The following PRPF38B variants were observed in gnomAD, a reference collection of about 807,000 sequenced individuals.
The protein encoded by PRPF38B is pre-mRNA processing factor 38B.
In PRPF38B, 18 loss-of-function variants were observed where a neutral mutation model predicts 67.2. That is an observed-to-expected ratio of 0.27 (90% CI 0.19 to 0.40). The LOEUF is 0.40. PRPF38B is among the 10% of genes least tolerant of loss of function. PRPF38B has a pLI of 1.00. For synonymous variants in PRPF38B, 246 were observed against 234.2 expected, an observed-to-expected ratio of 1.05 and a Z score of -0.46; for missense variants, 544 against 684.9, an observed-to-expected ratio of 0.79 and a Z score of 2.30.
intron 1 of PRPF38B, among the ~76,000 whole-genome samples, chr1:108,695,329 A>C (rs931747452): frequency 6.6e-6 from 1 of 152,234 alleles, no homozygotes; most frequent in African/African-American, 2.4e-5. Context: ...AATGTTAAGC[A>C]ACCCATAAGT....
chr1:108,696,806 G>A (rs1001169122), intron 4 of PRPF38B: 14 of 710,552 alleles, frequency 2.0e-5, no homozygotes, highest in Non-Finnish European at 3.4e-5. Context: ...GAATTGAAGA[G>A]TTGGGTGTTA....
At chr1:108,693,202 TC>T (rs1302229933) in intron 1 of PRPF38B, among the ~76,000 whole-genome samples, 1 of 152,144 alleles carries the variant, frequency 6.6e-6, no homozygotes, top group East Asian at 1.9e-4. Context: ...TTAAAATTAT[TC>T]CTTTTGACGT....
chr1:108,699,607 A>G lies in PRPF38B; in HGVS notation c.1228A>G (p.Arg410Gly). ...EKKHKEDKDD[R>G]RHRDDKRDSK... ...GAAACATAAAGAAGACAAAGATGAT[A>G]GGCGGCACAGAGATGACAAAAGAGA... The change falls in exon 6 of 6, where the codon AGG becomes GGG. Residue 410 changes from arginine (R) to glycine (G), a missense_variant. Arg to Gly is a moderately radical substitution (Grantham distance 125). Transcript: ENST00000370025. The G allele has an allele frequency of 6.4e-7, 1 of 1,553,846 alleles. No individual in the cohort carries two copies. The highest frequency in any genetic ancestry group is 1.2e-5 in the South Asian group (1 of 84,368).
chr1:108,696,010 T>G (rs1465067247), intron 2 of PRPF38B, 33 bp from the exon 3 acceptor site: 3 of 1,599,264 alleles, frequency 1.9e-6, no homozygotes, highest in Non-Finnish European at 2.6e-6. Context: ...GTTAATTATT[T>G]TACTACTTTT....
Position 108,701,637 on chromosome 1 carries a change from G to C in PRPF38B, c.*1617G>C, listed in dbSNP as rs1437531094. 1 of 152,204 alleles carries C rather than the reference G, an allele frequency of 6.6e-6. No homozygotes were observed. The highest frequency in any genetic ancestry group is 2.4e-5 in the African/African-American group (1 of 41,438). 9.4% of individuals were successfully genotyped at this position (152,204 alleles called of 1,614,324 possible). A position where few individuals can be genotyped will look rare whatever the true frequency, so the allele number is the denominator to read the frequency against. Reference sequence around the variant, plus strand: ...GAACCTGGCACGCACATTGAGGTTTGTTTTATCTCACTGGTTATACTGGCC... The same window carrying C: ...GAACCTGGCACGCACATTGAGGTTTCTTTTATCTCACTGGTTATACTGGCC... On this transcript the variant is annotated 3_prime_UTR_variant, in exon 6 of 6. Transcript: ENST00000370025.
At chr1:108,699,014 A>AG in intron 5 of PRPF38B, 148 bp from the exon 6 acceptor site, 1 of 1,451,354 alleles carries the variant, frequency 6.9e-7, no homozygotes, top group Non-Finnish European at 9.2e-7. Context: ...TCTGTAAATG[A>AG]GAACAATAAA....
chr1:108,692,932 C>T, intron 1 of PRPF38B, 65 bp downstream of exon 1: 2 of 1,526,588 alleles, frequency 1.3e-6, no homozygotes, highest in South Asian at 1.3e-5. Flanking sequence ...AGGAAACGGG[C>T]GAAGGCGGCC....
At chr1:108,693,128 G>A (rs1273480939) in intron 1 of PRPF38B, among the ~76,000 whole-genome samples, 1 of 152,224 alleles carries the variant, frequency 6.6e-6, no homozygotes. Context: ...CCCCTGGGGG[G>A]AGTTGGGCAA....
At chr1:108,693,604 T>A in intron 1 of PRPF38B, 1 of 985,256 alleles carries the variant, frequency 1.0e-6, no homozygotes, top group Non-Finnish European at 1.2e-6. Flanking sequence ...GACTCAGTCT[T>A]GCAGCGAGGC....
chr1:108,692,986 G>C (rs1214287294), intron 1 of PRPF38B, 119 bp downstream of exon 1: 73 of 1,298,408 alleles, frequency 5.6e-5, no homozygotes, highest in Non-Finnish European at 7.2e-5. Context: ...TGGTTCGGCG[G>C]AGGGGTGGCT....
intron 1 of PRPF38B, among the ~76,000 whole-genome samples, chr1:108,695,334 A>G (rs908970964): frequency 6.6e-6 from 1 of 152,224 alleles, no homozygotes; most frequent in Non-Finnish European, 1.5e-5. Flanking sequence ...TAAGCAACCC[A>G]TAAGTTAAAT....
At position 108,699,281 on chromosome 1, in the gene PRPF38B, G is replaced by A. The variant is rs376322867; in HGVS notation, c.902G>A (p.Arg301His). Residue 301 changes from arginine to histidine, a missense_variant, in exon 6 of 6, where the codon CGC becomes CAC. Arg to His is a conservative substitution (Grantham distance 29). Coordinates refer to ENST00000370025, the MANE Select transcript of PRPF38B (RefSeq NM_018061.4). ...FDRELEREKE[R>H]QRLEREAKER... ...AGAGAATTAGAAAGAGAGAAAGAACGCCAGCGACTAGAGCGTGAAGCCAAA... is the reference window on the plus strand; with the variant it reads ...AGAGAATTAGAAAGAGAGAAAGAACACCAGCGACTAGAGCGTGAAGCCAAA... 21 of 1,613,980 alleles carry A rather than the reference G, an allele frequency of 1.3e-5. No individual in the cohort carries two copies. Among genetic ancestry groups the A allele is most frequent in the African/African-American group, 8.0e-5 (6 of 74,886 alleles).
chr1:108,699,618 A>G lies in PRPF38B; in HGVS notation c.1239A>G (p.Arg413=). ...AAGACAAAGATGATAGGCGGCACAG[A>G]GATGACAAAAGAGATTCCAAGAAAG... is the stretch of plus-strand genomic sequence containing the variant. ...HKEDKDDRRH[R]DDKRDSKKEK... is the part of the protein sequence containing the mutation. The change falls in exon 6 of 6, where the codon AGA becomes AGG. Residue 413 remains arginine, a synonymous_variant. Coordinates refer to ENST00000370025, the MANE Select transcript of PRPF38B (RefSeq NM_018061.4). The G allele has an allele frequency of 6.4e-7, 1 of 1,554,880 alleles. No individual in the cohort carries two copies. Among genetic ancestry groups the G allele is most frequent in the East Asian group, 2.4e-5 (1 of 40,984 alleles).
Position 108,701,866 on chromosome 1 carries a change from T to C in PRPF38B, c.*1846T>C, listed in dbSNP as rs1416334194. The C allele has an allele frequency of 6.6e-6, 1 of 152,226 alleles. No individual in the cohort carries two copies. Among genetic ancestry groups the C allele is most frequent in the African/African-American group, 2.4e-5 (1 of 41,448 alleles). 9.4% of individuals were successfully genotyped at this position (152,226 alleles called of 1,614,324 possible). A position where few individuals can be genotyped will look rare whatever the true frequency, so the allele number is the denominator to read the frequency against. ...CTTTTAAATTGAGCATCAAGTGAAT[T>C]AGTGCTATAGACACCCAGAAGTTAG... On this transcript the variant is annotated 3_prime_UTR_variant, in exon 6 of 6. Coordinates refer to ENST00000370025, the MANE Select transcript of PRPF38B (RefSeq NM_018061.4).
chr1:108,695,881 C>G, intron 2 of PRPF38B, 111 bp downstream of exon 2: 1 of 1,375,454 alleles, frequency 7.3e-7, no homozygotes, highest in East Asian at 2.4e-5. Context: ...TTTTTTAATC[C>G]AAATTCAAGT....
rs767531257 is a variant in PRPF38B at position 108,702,389 on chromosome 1, G to T, written c.*2369G>T. ...TCCACCCACCTCAGCCTCCCAAAGC[G>T]CTGTGATTACAGGTGTGAGCCACCA... On this transcript the variant is annotated 3_prime_UTR_variant, in exon 6 of 6. Transcript: ENST00000370025. Among the ~76,000 whole-genome samples, 2 of 152,194 alleles carry T rather than the reference G, an allele frequency of 1.3e-5. No homozygotes were observed. The highest frequency in any genetic ancestry group is 2.9e-5 in the Non-Finnish European group (2 of 68,030).
intron 2 of PRPF38B, 116 bp from the exon 3 acceptor site, chr1:108,695,927 T>G (rs1225932453): frequency 7.3e-7 from 1 of 1,369,780 alleles, no homozygotes; most frequent in Non-Finnish European, 1.0e-6. Context: ...TGTTACTTTT[T>G]AATGCTCCTT....
At position 108,701,238 on chromosome 1, in the gene PRPF38B, T is replaced by C. The variant is rs1660461512; in HGVS notation, c.*1218T>C. 6.6e-6 allele frequency: 1 copy of C among 152,628 alleles called. No individual in the cohort carries two copies. The highest frequency in any genetic ancestry group is 2.4e-5 in the African/African-American group (1 of 41,436). The allele number at this position is 152,628 out of a possible 1,614,324, so 9.5% of individuals were successfully genotyped here. A position where few individuals can be genotyped will look rare whatever the true frequency, so the allele number is the denominator to read the frequency against. ...GTTAAATTTTTTTAGCATATTTATA[T>C]TGTGGAAATTGATGAAACGTCAGTA... On this transcript the variant is annotated 3_prime_UTR_variant, in exon 6 of 6. Coordinates refer to ENST00000370025, the MANE Select transcript of PRPF38B (RefSeq NM_018061.4).
In PRPF38B at chr1:108,699,192, G is replaced by A; in HGVS notation, c.813G>A (p.Arg271=). 6.2e-7 allele frequency: 1 copy of A among 1,613,138 alleles called. No individual in the cohort carries two copies. The highest frequency in any genetic ancestry group is 8.5e-7 in the Non-Finnish European group (1 of 1,179,550). ...CAAGGAGATCTCTGAGTCCACGGAG[G>A]TCCCCAAGAAGGTCAAGAAGTAGAA... ...RSPRRSLSPR[R]SPRRSRSRSH... The change falls in exon 6 of 6, where the codon AGG becomes AGA. Residue 271 remains arginine (R), a synonymous_variant. Coordinates refer to ENST00000370025, the MANE Select transcript of PRPF38B (RefSeq NM_018061.4).
Sources: gnomAD v4.1 joint callset for allele counts (sites outside exome capture counted in the v4.1 genomes callset) on GRCh38, gnomAD v4.1.1 for gene constraint, MANE v1.5 for transcripts, NCBI Gene and HGNC (gene_info 2026-07-23, HGNC 2026-07-21) for gene names.